The following MAGT1 variants were observed in gnomAD, a reference collection of about 807,000 sequenced individuals.
MAGT1 encodes dolichyl-diphosphooligosaccharide--protein glycosyltransferase subunit MAGT1.
Under a neutral mutation model 28.4 loss-of-function variants are expected in MAGT1, and 4 were observed. The ratio of observed to expected loss-of-function variants is 0.14; its 90% confidence interval spans 0.07 to 0.32. MAGT1 has a LOEUF of 0.32. Ranked by LOEUF, MAGT1 falls within the 10% of genes least tolerant of loss-of-function variation. MAGT1 has a pLI of 1.00. For synonymous variants in MAGT1, 89 were observed against 89.7 expected (o/e 0.99, Z 0.04); for missense variants, 193 against 264.5 (o/e 0.73, Z 1.88).
At chrX:77,863,276 G>A (rs781936122) in intron 3 of MAGT1, among the ~76,000 whole-genome samples, 43 of 110,608 alleles carry the variant, frequency 3.9e-4, no homozygotes, top group Non-Finnish European at 5.7e-4. Context: ...ACTTTGGGAG[G>A]CCGAGGTGGG....
At position 77,826,074 on chromosome X, in the gene MAGT1, G is replaced by C; in HGVS notation, c.*3146C>G. On this transcript the variant is annotated 3_prime_UTR_variant, in exon 10 of 10. Transcript: ENST00000618282. ...CTAGTCAAGGAATGTTCACTGTCTGGGACGAAAGGTAGATCAATTGTTGCA... is the reference window on the plus strand; with the variant it reads ...CTAGTCAAGGAATGTTCACTGTCTGCGACGAAAGGTAGATCAATTGTTGCA... Among the ~76,000 whole-genome samples the C allele has an allele frequency of 8.9e-6, 1 of 111,889 alleles. No individual in the cohort carries two copies. The highest frequency in any genetic ancestry group is 1.9e-5 in the Non-Finnish European group (1 of 53,192).
chrX:77,853,994 T>C (rs1557215736), intron 6 of MAGT1, 30 bp from the exon 7 acceptor site: 1 of 1,090,604 alleles, frequency 9.2e-7, no homozygotes, highest in East Asian at 3.0e-5. Context: ...AAATGGAATC[T>C]TTAAGTATAC....
In MAGT1 at chrX:77,825,876, C is replaced by G. The variant is rs1476263908; in HGVS notation, c.*3344G>C. 8.9e-6 allele frequency among the ~76,000 whole-genome samples: 1 copy of G among 112,692 alleles called. No homozygotes were observed. Among genetic ancestry groups the G allele is most frequent in the Non-Finnish European group, 1.9e-5 (1 of 53,334 alleles). On this transcript the variant is annotated 3_prime_UTR_variant, in exon 10 of 10. Transcript: ENST00000618282. ...ATGTTCAGAGAGGTTCAGGTGACAC[C>G]TATGGTCATATAGTTAGACAGAAAC...
intron 3 of MAGT1, among the ~76,000 whole-genome samples, chrX:77,865,673 C>T (rs1414423960): frequency 9.0e-6 from 1 of 111,675 alleles, no homozygotes; most frequent in Non-Finnish European, 1.9e-5. Context: ...AAATGTATAA[C>T]AGAAATTTAA....
chrX:77,875,737 G>C (rs186107187), intron 1 of MAGT1, 140 bp from the exon 2 acceptor site: 2 of 525,424 alleles, frequency 3.8e-6, no homozygotes, highest in African/African-American at 4.7e-5. Context: ...AAATTTGGTA[G>C]TTGGGCTGGA....
intron 1 of MAGT1, among the ~76,000 whole-genome samples, chrX:77,877,490 CA>C (rs1236196929): frequency 2.9e-4 from 27 of 94,189 alleles, no homozygotes; most frequent in Admixed American, 5.0e-4. Flanking sequence ...GACACTGTCT[CA>C]AAAAAAAAAA....
rs1557213661 is a variant in MAGT1 at position 77,834,254 on chromosome X, ACATGTGTG to A, written c.902-3367_902-3360del. On this transcript the variant is annotated intron_variant, in intron 8 of 9. Coordinates refer to ENST00000618282, the MANE Select transcript of MAGT1 (RefSeq NM_001367916.1). Reference sequence around the variant, plus strand: ...TATATGTATATATATGCATATATATACATGTGTGTATATATGCATATATGTATATATAT... The same window carrying A: ...TATATGTATATATATGCATATATATATATATATGCATATATGTATATATAT... 5.9e-4 allele frequency among the ~76,000 whole-genome samples: 35 copies of A among 59,690 alleles called. 1 individual carries two copies. Among genetic ancestry groups the A allele is most frequent in the East Asian group, 5.4e-3 (11 of 2,026 alleles). The allele number at this position is 59,690 out of a possible 115,157, so 51.8% of individuals were successfully genotyped here.
At chrX:77,876,511 T>C (rs1557217861) in intron 1 of MAGT1, among the ~76,000 whole-genome samples, 1 of 109,989 alleles carries the variant, frequency 9.1e-6, no homozygotes, top group Non-Finnish European at 1.9e-5. Context: ...GTAGCCACAA[T>C]AATTAAGACA....
At position 77,852,227 on chromosome X, in the gene MAGT1, A is replaced by T. The variant is rs1008735765; in HGVS notation, c.826+1674T>A. 2.7e-5 allele frequency among the ~76,000 whole-genome samples: 3 copies of T among 112,171 alleles called. No individual in the cohort carries two copies. The East Asian group carries it at 8.4e-4, about 31-fold the overall frequency. Reference sequence around the variant, plus strand: ...CTCAGTCTTCTTTCTTCTCATATGGACTAGGTGTATATTGTTAATCTTTCA... The same window carrying T: ...CTCAGTCTTCTTTCTTCTCATATGGTCTAGGTGTATATTGTTAATCTTTCA... On this transcript the variant is annotated intron_variant, in intron 7 of 9. Transcript: ENST00000618282.
chrX:77,885,822 T>C (rs12837189), intron 1 of MAGT1, among the ~76,000 whole-genome samples: 8 of 108,235 alleles, frequency 7.4e-5, no homozygotes, highest in Non-Finnish European at 1.3e-4. Context: ...TCTACTAACA[T>C]TACAAAAATT....
At chrX:77,831,444 T>A (rs1603358685) in intron 8 of MAGT1, among the ~76,000 whole-genome samples, 1 of 111,686 alleles carries the variant, frequency 9.0e-6, no homozygotes, top group Non-Finnish European at 1.9e-5. Context: ...ATTTGCTCCA[T>A]TACAATGTAA....
rs1267897239 is a variant in MAGT1, at chrX:77,868,039, C to A, written c.390+2769G>T. The A allele has an allele frequency of 1.5e-4, 10 of 65,760 alleles. 1 individual carries two copies. The highest frequency in any genetic ancestry group is 3.2e-4 in the African/African-American group (9 of 28,298). 5.4% of individuals were successfully genotyped at this position (65,760 alleles called of 1,213,427 possible). On this transcript the variant is annotated intron_variant, in intron 3 of 9. Coordinates refer to ENST00000618282, the MANE Select transcript of MAGT1 (RefSeq NM_001367916.1). ...GTAAAGGGGGTATGGCTATGACACACGTTGTACAAGAAGATGAAGATGACA... is the reference window on the plus strand; with the variant it reads ...GTAAAGGGGGTATGGCTATGACACAAGTTGTACAAGAAGATGAAGATGACA...
chrX:77,880,987 AAAGATTGG>A (rs1364524676), intron 1 of MAGT1, among the ~76,000 whole-genome samples: 1 of 107,661 alleles, frequency 9.3e-6, no homozygotes, highest in Non-Finnish European at 1.9e-5. Flanking sequence ...AAAAAGAAGG[AAAGATTGG>A]TTATAACAAA....
chrX:77,889,142 T>A lies in MAGT1; in HGVS notation c.102+6167A>T, dbSNP rs896890311. Among the ~76,000 whole-genome samples the A allele has an allele frequency of 1.3e-4, 12 of 94,694 alleles. No homozygotes were observed. The South Asian group carries it at 6.4e-3, about 51-fold the overall frequency. The allele number at this position is 94,694 out of a possible 115,157, so 82.2% of individuals were successfully genotyped here. On this transcript the variant is annotated intron_variant, in intron 1 of 9. Coordinates refer to ENST00000618282, the MANE Select transcript of MAGT1 (RefSeq NM_001367916.1). Reference sequence around the variant, plus strand: ...GGCACACACCACCATGCTCTGCTATTTTTTTTTTTTTTTTTTTTGCTAGGA... The same window carrying A: ...GGCACACACCACCATGCTCTGCTATATTTTTTTTTTTTTTTTTTGCTAGGA...
At chrX:77,893,071 G>C (rs1239047399) in intron 1 of MAGT1, among the ~76,000 whole-genome samples, 10 of 112,022 alleles carry the variant, frequency 8.9e-5, no homozygotes, top group African/African-American at 1.9e-4. Flanking sequence ...AGGATCACTT[G>C]ACCCCAGGAA....
chrX:77,882,974 AATATATATTTATATATATAATTT>A (rs1231333535), intron 1 of MAGT1, among the ~76,000 whole-genome samples: 1 of 101,084 alleles, frequency 9.9e-6, no homozygotes, highest in Non-Finnish European at 2.0e-5. Context: ...GTCTCTAATA[AATATATATTTATATATATAATTT>A]ATATATATTT....
intron 3 of MAGT1, among the ~76,000 whole-genome samples, chrX:77,861,013 T>C (rs1352053992): frequency 9.2e-6 from 1 of 108,691 alleles, no homozygotes; most frequent in Non-Finnish European, 1.9e-5. Context: ...CCGCCCCTAC[T>C]AAAAATATGA....
intron 1 of MAGT1, 45 bp from the exon 2 acceptor site, chrX:77,875,642 C>CATTTAAA (rs1557217736): frequency 1.8e-6 from 2 of 1,141,685 alleles, no homozygotes; most frequent in Admixed American, 4.4e-5. Flanking sequence ...CTCAACTTGG[C>CATTTAAA]ATTTAAAGTT....
At chrX:77,864,426 G>T (rs1354005134) in intron 3 of MAGT1, among the ~76,000 whole-genome samples, 1 of 110,464 alleles carries the variant, frequency 9.1e-6, no homozygotes, top group African/African-American at 3.3e-5. Flanking sequence ...TAGAAGAGAG[G>T]ACTTGAAATG....
Sources: gnomAD v4.1 joint callset for allele counts (sites outside exome capture counted in the v4.1 genomes callset) on GRCh38, gnomAD v4.1.1 for gene constraint, MANE v1.5 for transcripts, NCBI Gene and HGNC (gene_info 2026-07-23, HGNC 2026-07-21) for gene names.